Variants in SMIM13 observed in about 807,000 individuals in gnomAD.
The protein encoded by SMIM13 is UPF0766 protein C6orf228.
Under a neutral mutation model 5.9 loss-of-function variants are expected in SMIM13, and 3 were observed. That is an observed-to-expected ratio of 0.51 (90% confidence interval 0.23 to 1.31). The LOEUF is 1.31. Among genes scored for constraint, SMIM13 ranks in the 40% most tolerant of loss-of-function variants. The probability of loss-of-function intolerance (pLI) is 0.18; values close to 1 mark genes in which losing one functional copy is unlikely to be tolerated. For missense variants in SMIM13, 85 were observed against 109.9 expected, an observed-to-expected ratio of 0.77 and a Z score of 1.01; for synonymous variants, 55 against 46.0, an observed-to-expected ratio of 1.19 and a Z score of -0.79.
In SMIM13 at chr6:11,136,609, G is replaced by C. The variant is rs762602634; in HGVS notation, c.*2007G>C. On this transcript the variant is annotated 3_prime_UTR_variant, in exon 2 of 2. Coordinates refer to ENST00000416247, the MANE Select transcript of SMIM13 (RefSeq NM_001135575.2). Reference sequence around the variant, plus strand: ...ATTGTAGCTCTTGGAGATACTAAAAGAGAATTCACAGAACATAACTTTAGT... The same window carrying C: ...ATTGTAGCTCTTGGAGATACTAAAACAGAATTCACAGAACATAACTTTAGT... 14 of 152,074 alleles carry C rather than the reference G, an allele frequency of 9.2e-5. No homozygotes were observed. Among genetic ancestry groups the C allele is most frequent in the Non-Finnish European group, 1.5e-4 (10 of 67,998 alleles). 9.4% of individuals were successfully genotyped at this position (152,074 alleles called of 1,614,324 possible). A position where few individuals can be genotyped will look rare whatever the true frequency, so the allele number is the denominator to read the frequency against.
Position 11,127,883 on chromosome 6 carries a change from A to G in SMIM13, c.77-6520A>G, listed in dbSNP as rs572458411. On this transcript the variant is annotated intron_variant, in intron 1 of 1. Coordinates refer to ENST00000416247, the MANE Select transcript of SMIM13 (RefSeq NM_001135575.2). ...ATATCACTCAGTTAGCTTGTGGTGA[A>G]TGCTGTCAGGACTTAGTCTCTCCTT... Among the ~76,000 whole-genome samples, 8 of 152,252 alleles carry G rather than the reference A, an allele frequency of 5.3e-5. No homozygotes were observed. The South Asian group carries it at 1.7e-3, about 32-fold the overall frequency.
intron 1 of SMIM13, among the ~76,000 whole-genome samples, chr6:11,118,694 T>C (rs1474347484): frequency 6.6e-6 from 1 of 152,184 alleles, no homozygotes; most frequent in Non-Finnish European, 1.5e-5. Context: ...TTAAAATTCT[T>C]AGTTACAGTG....
intron 1 of SMIM13, among the ~76,000 whole-genome samples, chr6:11,110,435 GA>G (rs1581914699): frequency 6.6e-6 from 1 of 152,256 alleles, no homozygotes; most frequent in East Asian, 1.9e-4. Context: ...TCTCTTCTCA[GA>G]TTCTCATTTC....
intron 1 of SMIM13, among the ~76,000 whole-genome samples, chr6:11,125,934 A>G (rs945347988): frequency 2.0e-4 from 31 of 151,700 alleles, no homozygotes; most frequent in African/African-American, 6.3e-4. Flanking sequence ...CTCTCTCTCT[A>G]CCTCCTCTTT....
At chr6:11,099,405 C>T (rs1383659458) in intron 1 of SMIM13, among the ~76,000 whole-genome samples, 3 of 152,112 alleles carry the variant, frequency 2.0e-5, no homozygotes, top group Non-Finnish European at 4.4e-5. Flanking sequence ...AATCTCCTGA[C>T]CTCGTGATCC....
At chr6:11,104,379 C>G (rs375838954) in intron 1 of SMIM13, 1 of 1,551,562 alleles carries the variant, frequency 6.4e-7, no homozygotes, top group East Asian at 2.4e-5. Flanking sequence ...AGTCCAGTTA[C>G]TGGGGAGGCA....
chr6:11,118,565 A>C (rs1314825082), intron 1 of SMIM13, among the ~76,000 whole-genome samples: 1 of 152,214 alleles, frequency 6.6e-6, no homozygotes, highest in East Asian at 1.9e-4. Flanking sequence ...CTCATAGGGA[A>C]GGTGGTCAGT....
chr6:11,104,134 C>A, intron 1 of SMIM13: 1 of 1,547,634 alleles, frequency 6.5e-7, no homozygotes, highest in Non-Finnish European at 8.7e-7. Flanking sequence ...GCCATGGTGT[C>A]AATGTTGTTG....
At chr6:11,103,566 C>T (rs1758030669) in intron 1 of SMIM13, 16 of 1,379,700 alleles carry the variant, frequency 1.2e-5, no homozygotes, top group Non-Finnish European at 1.5e-5. Flanking sequence ...GGGTCTTGGC[C>T]TCTTGCTAGC....
In SMIM13 at chr6:11,112,284, C is replaced by G. The variant is rs554881095; in HGVS notation, c.76+17895C>G. Among the ~76,000 whole-genome samples, 14 of 151,996 alleles carry G rather than the reference C, an allele frequency of 9.2e-5. No homozygotes were observed. The South Asian group carries it at 2.5e-3, about 27-fold the overall frequency. On this transcript the variant is annotated intron_variant, in intron 1 of 1. Coordinates refer to ENST00000416247, the MANE Select transcript of SMIM13 (RefSeq NM_001135575.2). Reference sequence around the variant, plus strand: ...TTTTTTTTTTTTGGAGACAGCCTCGCTCTGTCTCCCAGGCTGGAGTGCAGT... The same window carrying G: ...TTTTTTTTTTTTGGAGACAGCCTCGGTCTGTCTCCCAGGCTGGAGTGCAGT...
intron 1 of SMIM13, among the ~76,000 whole-genome samples, chr6:11,108,860 G>A (rs771065517): frequency 6.6e-6 from 1 of 152,148 alleles, no homozygotes; most frequent in Non-Finnish European, 1.5e-5. Context: ...CTGGGTCTAG[G>A]TTAGTGTGTT....
At chr6:11,116,865 T>C (rs1416633699) in intron 1 of SMIM13, among the ~76,000 whole-genome samples, 2 of 152,088 alleles carry the variant, frequency 1.3e-5, no homozygotes, top group Non-Finnish European at 2.9e-5. Flanking sequence ...TCTTTCCTTC[T>C]GCTTATTTTG....
intron 1 of SMIM13, among the ~76,000 whole-genome samples, chr6:11,114,000 G>A (rs1301576716): frequency 6.9e-6 from 1 of 144,336 alleles, no homozygotes; most frequent in Admixed American, 6.9e-5. Flanking sequence ...ATTTTTTTGA[G>A]ACGGAATCTC....
chr6:11,100,653 T>A (rs1757978594), intron 1 of SMIM13, among the ~76,000 whole-genome samples: 1 of 152,252 alleles, frequency 6.6e-6, no homozygotes, highest in African/African-American at 2.4e-5. Context: ...ATGAAAAATT[T>A]TTTTTTGAGC....
At chr6:11,107,468 A>C (rs574960003) in intron 1 of SMIM13, among the ~76,000 whole-genome samples, 4 of 152,182 alleles carry the variant, frequency 2.6e-5, no homozygotes, top group African/African-American at 9.7e-5. Flanking sequence ...AGGTCCTGCA[A>C]ATCTCTAGCC....
chr6:11,104,649 A>C, intron 1 of SMIM13: 1 of 1,614,234 alleles, frequency 6.2e-7, no homozygotes. Context: ...TGTAGAGCTG[A>C]GGTTGGAAAT....
intron 1 of SMIM13, among the ~76,000 whole-genome samples, chr6:11,113,019 C>T (rs1036648553): frequency 3.9e-5 from 6 of 151,972 alleles, no homozygotes; most frequent in East Asian, 1.9e-4. Context: ...TTAGTAGAGA[C>T]GGGGTTTCAC....
intron 1 of SMIM13, among the ~76,000 whole-genome samples, chr6:11,132,121 T>C (rs184440130): frequency 6.6e-6 from 1 of 152,112 alleles, no homozygotes; most frequent in African/African-American, 2.4e-5. Flanking sequence ...AAGAAATGAA[T>C]AGATATTTCT....
intron 1 of SMIM13, among the ~76,000 whole-genome samples, chr6:11,097,847 C>T (rs1008138414): frequency 3.9e-5 from 6 of 152,072 alleles, no homozygotes; most frequent in South Asian, 2.1e-4. Flanking sequence ...ACCCTTCTAG[C>T]GGTCACAAGC....
Sources: allele counts gnomAD v4.1 joint callset (sites outside exome capture counted in the v4.1 genomes callset), GRCh38; gene constraint gnomAD v4.1.1; transcripts MANE v1.5; gene names NCBI Gene and HGNC (gene_info 2026-07-23, HGNC 2026-07-21).